The following C7orf78 variants were observed in gnomAD, a reference collection of about 807,000 sequenced individuals.
C7orf78 encodes putative uncharacterized protein C7orf78.
chr7:12,509,963 G>A, the C7orf78 span, among the ~76,000 whole-genome samples: 2 of 150,908 alleles, frequency 1.3e-5, no homozygotes, highest in Admixed American at 1.3e-4. Context: ...GAACCCGGGA[G>A]GCAGAGGTTG....
the C7orf78 span, among the ~76,000 whole-genome samples, chr7:12,531,445 A>G: frequency 1.3e-5 from 2 of 152,292 alleles, no homozygotes; most frequent in South Asian, 4.1e-4. Flanking sequence ...ATGAATTCAA[A>G]TTAAGAGTAA....
chr7:12,535,043 C>G, the C7orf78 span, among the ~76,000 whole-genome samples: 3 of 146,948 alleles, frequency 2.0e-5, no homozygotes, highest in East Asian at 6.2e-4. Flanking sequence ...ACAAGAAGAT[C>G]TCTAAATGAC....
chr7:12,523,369 G>C, the C7orf78 span: 1 of 398,346 alleles, frequency 2.5e-6, no homozygotes, highest in Admixed American at 4.4e-5. Flanking sequence ...TGTTTGTGAA[G>C]AGTGGACAAT....
At chr7:12,534,457 T>C in the C7orf78 span, among the ~76,000 whole-genome samples, 1 of 151,990 alleles carries the variant, frequency 6.6e-6, no homozygotes, top group African/African-American at 2.4e-5. Context: ...AAAAACACTA[T>C]CTATAAAGAA....
At chr7:12,536,840 C>T in the C7orf78 span, among the ~76,000 whole-genome samples, 1 of 152,152 alleles carries the variant, frequency 6.6e-6, no homozygotes, top group Non-Finnish European at 1.5e-5. Flanking sequence ...TTGGCTAAAA[C>T]ATGACAACAG....
the C7orf78 span, among the ~76,000 whole-genome samples, chr7:12,519,689 C>A: frequency 2.0e-5 from 3 of 152,222 alleles, no homozygotes; most frequent in Non-Finnish European, 2.9e-5. Context: ...CAGTGGCCAC[C>A]TCCTTGGTGT....
the C7orf78 span, chr7:12,523,325 T>C: frequency 2.0e-5 from 8 of 398,426 alleles, no homozygotes; most frequent in Admixed American, 1.3e-4. Flanking sequence ...TATAACTACA[T>C]TTCCACATCT....
At chr7:12,519,849 G>A in the C7orf78 span, among the ~76,000 whole-genome samples, 1 of 152,208 alleles carries the variant, frequency 6.6e-6, no homozygotes, top group African/African-American at 2.4e-5. Context: ...AGGATGTGGA[G>A]ATGGGACAGC....
the C7orf78 span, among the ~76,000 whole-genome samples, chr7:12,532,700 C>G: frequency 6.6e-6 from 1 of 152,130 alleles, no homozygotes; most frequent in Non-Finnish European, 1.5e-5. Context: ...TTAGTACTTG[C>G]TATCTAAGTA....
chr7:12,502,232 G>A, the C7orf78 span, among the ~76,000 whole-genome samples: 5 of 108,908 alleles, frequency 4.6e-5, no homozygotes, highest in African/African-American at 1.7e-4. Flanking sequence ...ATTGACAAAT[G>A]GGATCTAATT....
At chr7:12,488,856 T>C in the C7orf78 span, among the ~76,000 whole-genome samples, 1 of 151,896 alleles carries the variant, frequency 6.6e-6, no homozygotes, top group Non-Finnish European at 1.5e-5. Flanking sequence ...TTGTAAAGTA[T>C]TATTTTCAGA....
At chr7:12,499,705 G>A in the C7orf78 span, among the ~76,000 whole-genome samples, 1 of 151,838 alleles carries the variant, frequency 6.6e-6, no homozygotes, top group African/African-American at 2.4e-5. Flanking sequence ...CCCAGGAATT[G>A]AACTCAGCTC....
At chr7:12,506,634 C>A in the C7orf78 span, among the ~76,000 whole-genome samples, 1 of 151,952 alleles carries the variant, frequency 6.6e-6, no homozygotes, top group East Asian at 1.9e-4. Context: ...CACGCTGGGG[C>A]CTGTCATGGG....
the C7orf78 span, chr7:12,505,904 T>C: frequency 6.6e-6 from 1 of 152,146 alleles, no homozygotes; most frequent in African/African-American, 2.4e-5. Context: ...TACATATTAT[T>C]CAAAAGGATA....
the C7orf78 span, among the ~76,000 whole-genome samples, chr7:12,519,830 GA>G: frequency 6.6e-6 from 1 of 152,180 alleles, no homozygotes; most frequent in African/African-American, 2.4e-5. Flanking sequence ...GATATAAACA[GA>G]GGTTCCCAGG....
the C7orf78 span, among the ~76,000 whole-genome samples, chr7:12,536,965 C>T: frequency 6.6e-6 from 1 of 152,160 alleles, no homozygotes; most frequent in African/African-American, 2.4e-5. Flanking sequence ...CAACAAGTCT[C>T]CAGGAGTTTC....
the C7orf78 span, among the ~76,000 whole-genome samples, chr7:12,532,574 A>G: frequency 5.3e-5 from 8 of 151,448 alleles, no homozygotes; most frequent in African/African-American, 1.9e-4. Context: ...AAAAAGAAAA[A>G]CCTTACTGAA....
chr7:12,527,698 A>G, the C7orf78 span, among the ~76,000 whole-genome samples: 1 of 144,086 alleles, frequency 6.9e-6, no homozygotes, highest in Non-Finnish European at 1.5e-5. Context: ...AGAAAATGCC[A>G]TCTAGCTGTG....
At chr7:12,540,070 G>A in the C7orf78 span, among the ~76,000 whole-genome samples, 1 of 152,162 alleles carries the variant, frequency 6.6e-6, no homozygotes, top group Non-Finnish European at 1.5e-5. Flanking sequence ...TGGTTTCAAT[G>A]GAACATAGGA....
Sources: gnomAD v4.1 joint callset for allele counts (sites outside exome capture counted in the v4.1 genomes callset) on GRCh38, gnomAD v4.1.1 for gene constraint, MANE v1.5 for transcripts, NCBI Gene and HGNC (gene_info 2026-07-23, HGNC 2026-07-21) for gene names.